Variants in SHMT1 observed in about 807,000 individuals in gnomAD.
SHMT1 encodes serine hydroxymethyltransferase, cytosolic.
A neutral mutation model predicts 49.0 loss-of-function variants in SHMT1; 45 were observed. The ratio of observed to expected loss-of-function variants is 0.92; its 90% CI spans 0.72 to 1.18. The LOEUF is 1.18. Ranked by LOEUF, SHMT1 falls within the 50% of genes most tolerant of loss-of-function variation. The probability of loss-of-function intolerance (pLI) is 0.00; values close to 1 mark genes in which losing one functional copy is unlikely to be tolerated. For missense variants in SHMT1, 541 were observed against 612.4 expected (o/e 0.88, Z 1.23); for synonymous variants, 232 against 246.6 (o/e 0.94, Z 0.55).
chr17:18,332,928 C>A, intron 9 of SHMT1: 1 of 583,308 alleles, frequency 1.7e-6, no homozygotes, highest in South Asian at 1.7e-5. Flanking sequence ...AGTCCTTATG[C>A]TGGTGACCAA....
At chr17:18,352,442 G>A (rs561558749) in intron 3 of SHMT1, among the ~76,000 whole-genome samples, 51 of 148,644 alleles carry the variant, frequency 3.4e-4, no homozygotes, top group Non-Finnish European at 6.7e-4. Context: ...CACCGCGCCC[G>A]GTCCCCCTTC....
intron 3 of SHMT1, among the ~76,000 whole-genome samples, chr17:18,349,508 C>T (rs568621021): frequency 6.6e-6 from 1 of 152,154 alleles, no homozygotes; most frequent in African/African-American, 2.4e-5. Flanking sequence ...TGCTTGAGGC[C>T]AGGAGTTCAA....
chr17:18,357,924 C>T (rs1419822368), intron 1 of SHMT1, among the ~76,000 whole-genome samples: 1 of 141,652 alleles, frequency 7.1e-6, no homozygotes, highest in Non-Finnish European at 1.5e-5. Flanking sequence ...AGTACAGTGG[C>T]GCGATCTCGG....
intron 5 of SHMT1, among the ~76,000 whole-genome samples, chr17:18,342,286 A>G (rs1984604880): frequency 6.6e-6 from 1 of 152,116 alleles, no homozygotes; most frequent in African/African-American, 2.4e-5. Flanking sequence ...GCTAAGTGAA[A>G]TACGCCAGGC....
intron 2 of SHMT1, among the ~76,000 whole-genome samples, chr17:18,354,039 T>G (rs1157728208): frequency 6.6e-6 from 1 of 152,104 alleles, no homozygotes; most frequent in Non-Finnish European, 1.5e-5. Flanking sequence ...TCCCAGCACT[T>G]TGGGAGGCCG....
Position 18,348,437 on chromosome 17 carries a change from G to A in SHMT1, c.246C>T (p.Tyr82=), listed in dbSNP as rs143078306. 2 of 1,606,754 alleles carry A rather than the reference G, an allele frequency of 1.2e-6. No individual in the cohort carries two copies. The highest frequency in any genetic ancestry group is 1.3e-5 in the African/African-American group (1 of 74,912). ...CATCAATAAACTCAGTCCCGCCATAGTATCTGTGGGAGAAGAGCAGGAGAC... is the reference window on the plus strand; with the variant it reads ...CATCAATAAACTCAGTCCCGCCATAATATCTGTGGGAGAAGAGCAGGAGAC... The part of the protein sequence containing the change: ...KYSEGYPGQR[Y]YGGTEFIDEL... The change falls in exon 4 of 12, where the codon TAC becomes TAT. Residue 82 remains tyrosine (Y), a synonymous_variant. Coordinates refer to ENST00000316694, the MANE Select transcript of SHMT1 (RefSeq NM_004169.5).
chr17:18,348,520 G>T, intron 3 of SHMT1, 80 bp from the exon 4 acceptor site: 1 of 992,984 alleles, frequency 1.0e-6, no homozygotes, highest in Non-Finnish European at 1.6e-6. Context: ...AAGCTTAGGG[G>T]TGGGACAGTG....
intron 4 of SHMT1, among the ~76,000 whole-genome samples, chr17:18,347,948 G>C (rs548470879): frequency 8.4e-4 from 119 of 141,298 alleles, no homozygotes; most frequent in African/African-American, 3.1e-3. Context: ...ATGGAGTTTC[G>C]CTCTTGTTGC....
intron 9 of SHMT1, chr17:18,332,779 G>A (rs1983357801): frequency 3.0e-6 from 1 of 328,586 alleles, no homozygotes; most frequent in African/African-American, 2.1e-5. Flanking sequence ...TCAGCGGGGT[G>A]AGAGAAGACA....
At chr17:18,351,844 G>A (rs1455384107) in intron 3 of SHMT1, among the ~76,000 whole-genome samples, 2 of 151,604 alleles carry the variant, frequency 1.3e-5, no homozygotes, top group South Asian at 2.1e-4. Context: ...GTGGTTTTTC[G>A]GGGTTTTTTT....
intron 8 of SHMT1, among the ~76,000 whole-genome samples, chr17:18,334,034 G>A (rs1008162183): frequency 2.0e-5 from 3 of 152,070 alleles, no homozygotes; most frequent in East Asian, 1.9e-4. Flanking sequence ...CGCCTCCCGG[G>A]TTCAAGCAAT....
At chr17:18,346,673 A>G (rs1985111704) in intron 5 of SHMT1, among the ~76,000 whole-genome samples, 1 of 152,134 alleles carries the variant, frequency 6.6e-6, no homozygotes, top group South Asian at 2.1e-4. Context: ...AAATATCATA[A>G]AGTCAAAAAT....
At chr17:18,332,009 G>A (rs1983265047) in intron 9 of SHMT1, 1 of 152,248 alleles carries the variant, frequency 6.6e-6, no homozygotes, top group Admixed American at 6.5e-5. Flanking sequence ...GCTCCTCTGA[G>A]AATCTAATGC....
chr17:18,333,949 T>G (rs1399711434), intron 8 of SHMT1, among the ~76,000 whole-genome samples: 1 of 151,946 alleles, frequency 6.6e-6, no homozygotes, highest in Non-Finnish European at 1.5e-5. Flanking sequence ...CTGGCTAATT[T>G]TTTTTGAGAG....
At chr17:18,356,885 G>A (rs1047637180) in intron 1 of SHMT1, among the ~76,000 whole-genome samples, 2 of 152,024 alleles carry the variant, frequency 1.3e-5, no homozygotes, top group Non-Finnish European at 2.9e-5. Context: ...AACTTCTCAT[G>A]GATATAGCTT....
chr17:18,362,391 G>A (rs925335555), intron 1 of SHMT1, among the ~76,000 whole-genome samples: 1 of 151,712 alleles, frequency 6.6e-6, no homozygotes, highest in Non-Finnish European at 1.5e-5. Context: ...CGTGATCTCC[G>A]CTCACTGCAA....
chr17:18,353,262 G>A (rs1220507798), intron 3 of SHMT1, among the ~76,000 whole-genome samples: 3 of 152,186 alleles, frequency 2.0e-5, no homozygotes, highest in East Asian at 1.9e-4. Context: ...ATGCAGAAAC[G>A]GTTTTCAGTA....
chr17:18,328,928 C>A lies in SHMT1; in HGVS notation c.1283-9G>T. 1 of 1,613,684 alleles carries A rather than the reference C, an allele frequency of 6.2e-7. No homozygotes were observed. Among genetic ancestry groups the A allele is most frequent in the South Asian group, 1.1e-5 (1 of 91,052 alleles). ...CAGGGTCAGCTCTATCCCTGTGCCA[C>A]AAGACACAAATGAGTCACCCCACAC... On this transcript the variant is annotated splice_polypyrimidine_tract_variant and intron_variant, in intron 11 of 11. Coordinates refer to ENST00000316694, the MANE Select transcript of SHMT1 (RefSeq NM_004169.5).
chr17:18,342,764 C>T (rs1984657982), intron 5 of SHMT1, among the ~76,000 whole-genome samples: 1 of 151,438 alleles, frequency 6.6e-6, no homozygotes, highest in Non-Finnish European at 1.5e-5. Context: ...GGTGAAACCC[C>T]GTCTCTACTA....
Sources: gnomAD v4.1 joint callset for allele counts (sites outside exome capture counted in the v4.1 genomes callset) on GRCh38, gnomAD v4.1.1 for gene constraint, MANE v1.5 for transcripts, NCBI Gene and HGNC (gene_info 2026-07-23, HGNC 2026-07-21) for gene names.